Variants in PCDH9 observed in about 807,000 individuals in gnomAD.
PCDH9 encodes the protein protocadherin-9.
Under a neutral mutation model 70.6 loss-of-function variants are expected in PCDH9, and 24 were observed. The observed-to-expected ratio is 0.34, with a 90% CI of 0.25 to 0.48. The LOEUF is 0.48. PCDH9 is among the 20% of genes least tolerant of loss of function. PCDH9 has a pLI of 0.99. For missense variants in PCDH9, 1,281 were observed against 1,503.6 expected (o/e 0.85, Z 2.45); for synonymous variants, 562 against 558.5 (o/e 1.01, Z -0.09).
chr13:66,336,735 T>C (rs1206416352), intron 4 of PCDH9, among the ~76,000 whole-genome samples: 1 of 152,046 alleles, frequency 6.6e-6, no homozygotes, highest in East Asian at 1.9e-4. Flanking sequence ...TCTGTGGCTC[T>C]TTAACATCAT....
intron 2 of PCDH9, among the ~76,000 whole-genome samples, chr13:66,954,816 T>C (rs1357102068): frequency 6.6e-6 from 1 of 152,234 alleles, no homozygotes; most frequent in Non-Finnish European, 1.5e-5. Flanking sequence ...CAGGCTGCAG[T>C]GCAGTGGCGT....
At chr13:66,948,770 C>T (rs1020720861) in intron 2 of PCDH9, among the ~76,000 whole-genome samples, 1 of 152,032 alleles carries the variant, frequency 6.6e-6, no homozygotes, top group African/African-American at 2.4e-5. Context: ...AAATGAAGAC[C>T]AAGTTTTTCA....
At chr13:66,852,697 G>C (rs1042362140) in intron 3 of PCDH9, among the ~76,000 whole-genome samples, 1 of 152,132 alleles carries the variant, frequency 6.6e-6, no homozygotes, top group African/African-American at 2.4e-5. Context: ...TGGCATATTT[G>C]TAAGTAAAGT....
At chr13:66,712,930 G>C (rs970880012) in intron 3 of PCDH9, among the ~76,000 whole-genome samples, 20 of 152,048 alleles carry the variant, frequency 1.3e-4, no homozygotes, top group Non-Finnish European at 1.5e-5. Flanking sequence ...ACATGAAAAA[G>C]GATAATTAAA....
chr13:66,784,798 A>T (rs1408481311), intron 3 of PCDH9, among the ~76,000 whole-genome samples: 1 of 152,164 alleles, frequency 6.6e-6, no homozygotes, highest in Non-Finnish European at 1.5e-5. Flanking sequence ...TATTTTATAT[A>T]AATAGGCTAG....
At position 66,304,712 on chromosome 13, in the gene PCDH9, C is replaced by A; in HGVS notation, c.3657G>T (p.Leu1219=). Residue 1219 remains leucine (L), a synonymous_variant, in exon 5 of 5, where the codon CTG becomes CTT. Transcript: ENST00000377865. ...CACCTCCTGCTTGCTTATAAGACTT[C>A]AGATTTGCCAGAGGAATGTCTGTCA... ...SHMTDIPLAN[L]KSYKQAGGAT... The A allele has an allele frequency of 6.2e-7, 1 of 1,613,356 alleles. No individual in the cohort carries two copies. The highest frequency in any genetic ancestry group is 1.1e-5 in the South Asian group (1 of 91,066).
chr13:66,571,497 T>C (rs1419050943), intron 4 of PCDH9, among the ~76,000 whole-genome samples: 1 of 151,984 alleles, frequency 6.6e-6, no homozygotes, highest in Non-Finnish European at 1.5e-5. Context: ...AGACTAAAAA[T>C]AGCACCTAAA....
At chr13:66,737,132 C>T (rs2079161801) in intron 3 of PCDH9, among the ~76,000 whole-genome samples, 1 of 152,040 alleles carries the variant, frequency 6.6e-6, no homozygotes, top group Non-Finnish European at 1.5e-5. Flanking sequence ...TAATTTTTAT[C>T]TTATATTTAT....
At position 66,938,968 on chromosome 13, in the gene PCDH9, G is replaced by T. The variant is rs148342672; in HGVS notation, c.3037-35363C>A. Among the ~76,000 whole-genome samples, 252 of 151,988 alleles carry T rather than the reference G, an allele frequency of 1.7e-3. 3 individuals carry two copies. Among genetic ancestry groups the T allele is most frequent in the African/African-American group, 5.6e-3 (234 of 41,468 alleles). ...GAATTGTCTATCAATGTATTTATTT[G>T]TATTGAAATATAATACTAGAATATT... On this transcript the variant is annotated intron_variant, in intron 2 of 4. Transcript: ENST00000377865.
At chr13:66,629,863 G>GA (rs1237562758) in intron 4 of PCDH9, among the ~76,000 whole-genome samples, 2 of 152,150 alleles carry the variant, frequency 1.3e-5, no homozygotes, top group African/African-American at 4.8e-5. Context: ...ACCTTAGAAA[G>GA]AATCTGTCCT....
chr13:66,577,852 G>T (rs2076836376), intron 4 of PCDH9, among the ~76,000 whole-genome samples: 1 of 151,980 alleles, frequency 6.6e-6, no homozygotes, highest in Non-Finnish European at 1.5e-5. Flanking sequence ...TGCATGAAAA[G>T]TTGAAAAAAT....
chr13:66,339,464 A>G (rs551227161), intron 4 of PCDH9, among the ~76,000 whole-genome samples: 2 of 152,200 alleles, frequency 1.3e-5, no homozygotes, highest in East Asian at 1.9e-4. Context: ...TTCCTCTGGC[A>G]TTCTGACTAC....
At chr13:66,872,869 AC>A (rs1171299025) in intron 3 of PCDH9, among the ~76,000 whole-genome samples, 13 of 152,272 alleles carry the variant, frequency 8.5e-5, no homozygotes, top group African/African-American at 3.1e-4. Flanking sequence ...GAGAAACAAT[AC>A]CTGTAAACTT....
intron 2 of PCDH9, among the ~76,000 whole-genome samples, chr13:67,004,001 C>T (rs1238848164): frequency 1.3e-5 from 2 of 151,990 alleles, no homozygotes; most frequent in South Asian, 2.1e-4. Flanking sequence ...TCTCTATAGT[C>T]CCATTAGTTT....
intron 4 of PCDH9, among the ~76,000 whole-genome samples, chr13:66,343,576 ATCTC>A (rs370714229): frequency 1.2e-3 from 176 of 152,260 alleles, no homozygotes; most frequent in African/African-American, 4.0e-3. Flanking sequence ...CTCACTTTGA[ATCTC>A]TCTGACTTCC....
At chr13:67,177,373 C>T (rs1270134423) in intron 2 of PCDH9, among the ~76,000 whole-genome samples, 1 of 152,090 alleles carries the variant, frequency 6.6e-6, no homozygotes, top group Non-Finnish European at 1.5e-5. Context: ...CTCCAATTTT[C>T]TGTTCAATTG....
At chr13:66,727,286 A>C (rs1449750625) in intron 3 of PCDH9, among the ~76,000 whole-genome samples, 3 of 152,120 alleles carry the variant, frequency 2.0e-5, no homozygotes, top group African/African-American at 7.2e-5. Flanking sequence ...AAATAAAATA[A>C]AAATTTTAAA....
At chr13:66,825,209 T>A (rs934202179) in intron 3 of PCDH9, 1 of 151,082 alleles carries the variant, frequency 6.6e-6, no homozygotes, top group African/African-American at 2.5e-5. Flanking sequence ...GTATATATAT[T>A]TTTTCTTCTT....
At chr13:66,554,480 C>T (rs1258864830) in intron 4 of PCDH9, among the ~76,000 whole-genome samples, 1 of 152,006 alleles carries the variant, frequency 6.6e-6, no homozygotes, top group East Asian at 1.9e-4. Flanking sequence ...TTGAATAATA[C>T]AGATATTAAA....
Sources: allele counts gnomAD v4.1 joint callset (sites outside exome capture counted in the v4.1 genomes callset), GRCh38; gene constraint gnomAD v4.1.1; transcripts MANE v1.5; gene names NCBI Gene and HGNC (gene_info 2026-07-23, HGNC 2026-07-21).